The following SLC5A11 variants were observed in gnomAD, a reference collection of about 807,000 sequenced individuals.
The protein encoded by SLC5A11 is sodium/myo-inositol cotransporter 2.
SLC5A11 carries 48 observed loss-of-function variants against 69.8 expected under a neutral mutation model. That is an observed-to-expected ratio of 0.69 (90% CI 0.55 to 0.87). The LOEUF (loss-of-function observed/expected upper bound fraction) is 0.87, where lower values mean the gene tolerates loss of function less well. Among genes scored for constraint, SLC5A11 ranks in the 40% least tolerant of loss-of-function variants. The probability of loss-of-function intolerance (pLI) is 0.00; values close to 1 mark genes in which losing one functional copy is unlikely to be tolerated. For synonymous variants in SLC5A11, 319 were observed against 342.4 expected (o/e 0.93, Z 0.75); for missense variants, 784 against 866.1 (o/e 0.91, Z 1.19).
intron 14 of SLC5A11, 44 bp downstream of exon 15, chr16:24,909,140 G>C: frequency 6.3e-7 from 1 of 1,592,048 alleles, no homozygotes; most frequent in Non-Finnish European, 8.6e-7. Context: ...CTTTTTGTTG[G>C]AAGTGACAGA....
chr16:24,891,496 A>AT (rs1248485734), intron 9 of SLC5A11, among the ~76,000 whole-genome samples: 2 of 151,404 alleles, frequency 1.3e-5, no homozygotes, highest in African/African-American at 4.9e-5. Context: ...TATTATTATT[A>AT]TTTTTTAGTA....
chr16:24,897,813 C>T (rs996962190), intron 9 of SLC5A11, among the ~76,000 whole-genome samples, 161 bp from the exon 11 acceptor site: 2 of 152,170 alleles, frequency 1.3e-5, no homozygotes, highest in African/African-American at 4.8e-5. Flanking sequence ...ACCATGAGAA[C>T]AGTATGGAGG....
At chr16:24,911,503 C>T (rs777534080) in exon 16 of SLC5A11, 10 of 1,614,012 alleles carry the variant, frequency 6.2e-6, no homozygotes, top group South Asian at 4.4e-5. Flanking sequence ...GCGTGAGCTG[C>T]GCCATCTTTA....
intron 7 of SLC5A11, among the ~76,000 whole-genome samples, chr16:24,881,815 C>T (rs1319172076): frequency 1.3e-5 from 2 of 148,722 alleles, no homozygotes; most frequent in Admixed American, 1.4e-4. Flanking sequence ...AAAATGGCAC[C>T]CCGTGGCACT....
chr16:24,890,759 T>G (rs2048740601), intron 8 of SLC5A11, 110 bp from the exon 10 acceptor site: 4 of 1,009,510 alleles, frequency 4.0e-6, no homozygotes, highest in Middle Eastern at 2.1e-4. Flanking sequence ...GGGATTAACA[T>G]TTTTGGTGGC....
chr16:24,885,006 T>G (rs1488507028), intron 8 of SLC5A11, among the ~76,000 whole-genome samples: 5 of 152,164 alleles, frequency 3.3e-5, no homozygotes, highest in Admixed American at 1.3e-4. Context: ...CCTCCCAAAG[T>G]GCTGAAATTA....
chr16:24,876,386 T>A (rs1336579803), intron 6 of SLC5A11, among the ~76,000 whole-genome samples: 1 of 152,080 alleles, frequency 6.6e-6, no homozygotes, highest in Non-Finnish European at 1.5e-5. Flanking sequence ...AATTAGACAG[T>A]GATCAGCTGT....
At chr16:24,852,844 G>C (rs755042846) in intron 1 of SLC5A11, among the ~76,000 whole-genome samples, 1 of 56,228 alleles carries the variant, frequency 1.8e-5, no homozygotes. Flanking sequence ...CATAGCTGAT[G>C]CCTAATAAAT....
intron 9 of SLC5A11, among the ~76,000 whole-genome samples, chr16:24,893,388 A>G (rs961670406): frequency 6.6e-6 from 1 of 151,786 alleles, no homozygotes; most frequent in Non-Finnish European, 1.5e-5. Context: ...AAAACAAACA[A>G]AACGAAACAA....
intron 11 of SLC5A11, 65 bp downstream of exon 12, chr16:24,906,829 C>T: frequency 9.5e-6 from 14 of 1,472,446 alleles, no homozygotes; most frequent in Non-Finnish European, 1.3e-5. Context: ...ACCGGATGGG[C>T]TCTGATCCAA....
At chr16:24,849,026 G>A (rs183974115) in intron 1 of SLC5A11, among the ~76,000 whole-genome samples, 4 of 152,244 alleles carry the variant, frequency 2.6e-5, no homozygotes, top group Admixed American at 1.3e-4. Context: ...TAAATTCTTC[G>A]ATGAGACATT....
intron 9 of SLC5A11, among the ~76,000 whole-genome samples, chr16:24,894,035 C>G (rs1437753228): frequency 1.3e-5 from 2 of 152,200 alleles, no homozygotes; most frequent in African/African-American, 4.8e-5. Context: ...GCTCTCTTTG[C>G]TAAAGAGCTG....
At chr16:24,896,356 A>G (rs976821014) in intron 9 of SLC5A11, among the ~76,000 whole-genome samples, 1 of 151,874 alleles carries the variant, frequency 6.6e-6, no homozygotes, top group Non-Finnish European at 1.5e-5. Context: ...TTAGCTTGAC[A>G]TGGTTGTTCA....
chr16:24,909,695 G>A (rs1597325563), intron 14 of SLC5A11, among the ~76,000 whole-genome samples: 1 of 148,226 alleles, frequency 6.7e-6, no homozygotes, highest in Non-Finnish European at 1.5e-5. Flanking sequence ...AGGGCGTGAT[G>A]GCTCATGCCT....
chr16:24,873,617 T>G (rs1786665560), intron 5 of SLC5A11, among the ~76,000 whole-genome samples: 1 of 151,426 alleles, frequency 6.6e-6, no homozygotes, highest in Non-Finnish European at 1.5e-5. Flanking sequence ...GAGCTATGAT[T>G]GTACCACTGC....
intron 10 of SLC5A11, among the ~76,000 whole-genome samples, chr16:24,906,417 A>G (rs7187595): frequency 6.6e-6 from 1 of 151,876 alleles, no homozygotes; most frequent in South Asian, 2.1e-4. Flanking sequence ...TTACGATAAC[A>G]ATAGCTGAAT....
intron 1 of SLC5A11, among the ~76,000 whole-genome samples, chr16:24,856,597 CAAAAAA>C (rs35867622): frequency 5.3e-4 from 47 of 88,830 alleles, no homozygotes; most frequent in African/African-American, 1.2e-3. Context: ...ACTAAAAATA[CAAAAAA>C]AAAAAAAAAA....
At chr16:24,896,307 A>G (rs1260514413) in intron 9 of SLC5A11, among the ~76,000 whole-genome samples, 1 of 152,160 alleles carries the variant, frequency 6.6e-6, no homozygotes, top group Non-Finnish European at 1.5e-5. Context: ...CAATATAGCA[A>G]TATAGCAAGA....
At chr16:24,878,381 G>A (rs186436652) in intron 7 of SLC5A11, among the ~76,000 whole-genome samples, 2 of 152,276 alleles carry the variant, frequency 1.3e-5, no homozygotes, top group African/African-American at 2.4e-5. Flanking sequence ...TGCCTGGCAC[G>A]CAGTAGGGCC....
Sources: gnomAD v4.1 joint callset for allele counts (sites outside exome capture counted in the v4.1 genomes callset) on GRCh38, gnomAD v4.1.1 for gene constraint, MANE v1.5 for transcripts, NCBI Gene and HGNC (gene_info 2026-07-23, HGNC 2026-07-21) for gene names.